SLC7A9: variants seen among roughly 807,000 people sequenced by gnomAD.
SLC7A9 encodes solute carrier family 7 member 9.
Under a neutral mutation model 54.1 loss-of-function variants are expected in SLC7A9, and 38 were observed. The ratio of observed to expected loss-of-function variants is 0.70; its 90% CI spans 0.54 to 0.92. The LOEUF (loss-of-function observed/expected upper bound fraction) is 0.92. Ranked by LOEUF, SLC7A9 falls within the 40% of genes least tolerant of loss-of-function variation. The probability of loss-of-function intolerance (pLI) is 0.00; values close to 1 mark genes in which losing one functional copy is unlikely to be tolerated. For missense variants in SLC7A9, 537 were observed against 636.1 expected, an observed-to-expected ratio of 0.84 and a Z score of 1.68; for synonymous variants, 264 against 258.9, an observed-to-expected ratio of 1.02 and a Z score of -0.19.
At chr19:32,855,216 T>C (rs1968583221) in intron 9 of SLC7A9, among the ~76,000 whole-genome samples, 1 of 152,198 alleles carries the variant, frequency 6.6e-6, no homozygotes, top group South Asian at 2.1e-4. Flanking sequence ...AAATATCCCA[T>C]GATCTCCCTT....
At chr19:32,850,625 T>C (rs1295135990) in intron 9 of SLC7A9, among the ~76,000 whole-genome samples, 4 of 152,114 alleles carry the variant, frequency 2.6e-5, no homozygotes, top group Non-Finnish European at 5.9e-5. Context: ...ATAGATTCAG[T>C]GCCATCCCCA....
rs1279512853 is a variant in SLC7A9 at position 32,842,153 on chromosome 19, G to A, written c.1224+15C>T. 6.2e-7 allele frequency: 1 copy of A among 1,613,958 alleles called. No homozygotes were observed. The highest frequency in any genetic ancestry group is 2.2e-5 in the East Asian group (1 of 44,880). ...AAATCCAAAGCCACTCGTGACTCTG[G>A]GGCTGCAAGCTTACCTTGATAGGCC... is the stretch of plus-strand genomic sequence containing the variant. On this transcript the variant is annotated intron_variant, in intron 11 of 12. Coordinates refer to ENST00000023064, the MANE Select transcript of SLC7A9 (RefSeq NM_014270.5).
chr19:32,831,868 G>C (rs1451017615), intron 12 of SLC7A9, among the ~76,000 whole-genome samples: 2 of 152,246 alleles, frequency 1.3e-5, no homozygotes, highest in African/African-American at 4.8e-5. Context: ...AGACAAAGGA[G>C]AATGGTGTTT....
Position 32,868,230 on chromosome 19 carries a change from C to CA in SLC7A9, c.87+217dup, listed in dbSNP as rs57317909. Reference sequence around the variant, plus strand: ...TGGGTGACAGAGCAACACTCCATCTCAAAAAAAAAAAAAAAAAAAAGAAGA... The same window carrying CA: ...TGGGTGACAGAGCAACACTCCATCTCAAAAAAAAAAAAAAAAAAAAAGAAGA... On this transcript the variant is annotated intron_variant, in intron 2 of 12. Transcript: ENST00000023064. Among the ~76,000 whole-genome samples the CA allele has an allele frequency of 0.29, 25,946 of 88,042 alleles. 3,751 individuals are homozygous for CA. The highest frequency in any genetic ancestry group is 0.38 in the Non-Finnish European group (16,406 of 42,786). The allele number at this position is 88,042 out of a possible 152,430, so 57.8% of individuals were successfully genotyped here. A position where few individuals can be genotyped will look rare whatever the true frequency, so the allele number is the denominator to read the frequency against.
At chr19:32,860,748 C>T (rs1968776800) in intron 6 of SLC7A9, 98 bp from the exon 7 acceptor site, 3 of 1,505,316 alleles carry the variant, frequency 2.0e-6, no homozygotes, top group South Asian at 1.2e-5. Context: ...AGATTCTCTA[C>T]CAGAGAAAAA....
chr19:32,865,349 G>GC (rs1568532935), intron 2 of SLC7A9, among the ~76,000 whole-genome samples: 1 of 152,288 alleles, frequency 6.6e-6, no homozygotes, highest in East Asian at 1.9e-4. Flanking sequence ...TGTCACCCAG[G>GC]CTGGAGCACA....
At chr19:32,845,095 C>A (rs547755788) in intron 9 of SLC7A9, among the ~76,000 whole-genome samples, 1 of 151,582 alleles carries the variant, frequency 6.6e-6, no homozygotes, top group African/African-American at 2.4e-5. Flanking sequence ...ACCCGGGAGG[C>A]AGAGGTTGCA....
chr19:32,838,803 ATATATC>A (rs1009912336), intron 11 of SLC7A9, among the ~76,000 whole-genome samples: 2 of 146,024 alleles, frequency 1.4e-5, no homozygotes, highest in Non-Finnish European at 3.0e-5. Context: ...ATATATACAT[ATATATC>A]TATTATACAC....
intron 9 of SLC7A9, among the ~76,000 whole-genome samples, chr19:32,845,243 C>T (rs535170837): frequency 6.6e-5 from 10 of 152,240 alleles, no homozygotes; most frequent in African/African-American, 2.2e-4. Flanking sequence ...GCCTATACTC[C>T]CAGCACTTTG....
chr19:32,851,317 C>G (rs1309088800), intron 9 of SLC7A9, among the ~76,000 whole-genome samples: 1 of 151,712 alleles, frequency 6.6e-6, no homozygotes, highest in African/African-American at 2.4e-5. Flanking sequence ...TGAACTCAAA[C>G]AAATTTACAA....
chr19:32,847,283 T>G (rs1968327185), intron 9 of SLC7A9, among the ~76,000 whole-genome samples: 1 of 151,988 alleles, frequency 6.6e-6, no homozygotes, highest in African/African-American at 2.4e-5. Context: ...AGTTAGAAAC[T>G]TTGAAAAAAA....
intron 9 of SLC7A9, among the ~76,000 whole-genome samples, chr19:32,852,978 A>G (rs1452086437): frequency 1.4e-5 from 2 of 145,762 alleles, no homozygotes; most frequent in Non-Finnish European, 3.0e-5. Flanking sequence ...CAATGGTGCA[A>G]TCTCGGCTCA....
rs547389791 is a variant in SLC7A9 at position 32,863,990 on chromosome 19, C to T, written c.478+106G>A. 2.9e-5 allele frequency: 45 copies of T among 1,567,626 alleles called. No homozygotes were observed. The Middle Eastern group carries it at 9.1e-4, about 32-fold the overall frequency. On this transcript the variant is annotated intron_variant, in intron 4 of 12. Transcript: ENST00000023064. ...CTGCAAAGGCTGATGCCAGGCCCTG[C>T]CTGGGCTCTCACCAGAGACTCACTG...
In SLC7A9 at chr19:32,847,286, G is replaced by GA. The variant is rs1248329663; in HGVS notation, c.978-3336dup. ...CAATGGCAAAGAAGTTAGAAACTTT[G>GA]AAAAAAAATTAGACAAATGGATAAC... is the stretch of plus-strand genomic sequence containing the variant. On this transcript the variant is annotated intron_variant, in intron 9 of 12. Coordinates refer to ENST00000023064, the MANE Select transcript of SLC7A9 (RefSeq NM_014270.5). 3.9e-5 allele frequency among the ~76,000 whole-genome samples: 6 copies of GA among 152,016 alleles called. No individual in the cohort carries two copies. The East Asian group carries it at 5.8e-4, about 15-fold the overall frequency.
intron 9 of SLC7A9, among the ~76,000 whole-genome samples, chr19:32,857,356 A>AT (rs1968657801): frequency 6.6e-6 from 1 of 151,990 alleles, no homozygotes; most frequent in Non-Finnish European, 1.5e-5. Flanking sequence ...AGGAGGGAGG[A>AT]TTGCTTGAGC....
At chr19:32,849,318 A>G (rs1968395171) in intron 9 of SLC7A9, among the ~76,000 whole-genome samples, 1 of 152,246 alleles carries the variant, frequency 6.6e-6, no homozygotes, top group Non-Finnish European at 1.5e-5. Flanking sequence ...ATAAGAATCA[A>G]ATAGACACAA....
In SLC7A9 at chr19:32,863,965, C is replaced by T. The variant is rs1446352619; in HGVS notation, c.478+131G>A. On this transcript the variant is annotated intron_variant, in intron 4 of 12. Transcript: ENST00000023064. ...CCCCAGTGTGCAGCACCCACAGGTA[C>T]TGCAAAGGCTGATGCCAGGCCCTGC... 4.8e-6 allele frequency: 7 copies of T among 1,450,470 alleles called. No homozygotes were observed. The East Asian group carries it at 1.1e-4, about 24-fold the overall frequency. 89.8% of individuals were successfully genotyped at this position (1,450,470 alleles called of 1,614,324 possible).
chr19:32,840,913 G>A (rs1237621245), intron 11 of SLC7A9, among the ~76,000 whole-genome samples: 1 of 152,186 alleles, frequency 6.6e-6, no homozygotes, highest in Non-Finnish European at 1.5e-5. Context: ...CTTGATTTGT[G>A]TTGACAATGT....
intron 2 of SLC7A9, among the ~76,000 whole-genome samples, chr19:32,866,062 C>T (rs534326452): frequency 1.2e-3 from 184 of 152,248 alleles, no homozygotes; most frequent in Non-Finnish European, 1.8e-3. Flanking sequence ...CACTCGTCCT[C>T]AGAAGCAGCC....
Sources: allele counts gnomAD v4.1 joint callset (sites outside exome capture counted in the v4.1 genomes callset), GRCh38; gene constraint gnomAD v4.1.1; transcripts MANE v1.5; gene names NCBI Gene and HGNC (gene_info 2026-07-23, HGNC 2026-07-21).